Variants in NOS1 observed in about 807,000 individuals in gnomAD.
NOS1 encodes the protein NOS type I.
A neutral mutation model predicts 164.5 loss-of-function variants in NOS1; 51 were observed. The observed-to-expected ratio is 0.31, with a 90% CI of 0.25 to 0.39. The LOEUF is 0.39. NOS1 is among the 10% of genes least tolerant of loss of function. The pLI is 1.00. For missense variants in NOS1, 1,362 were observed against 1,885.6 expected (o/e 0.72, Z 5.14); for synonymous variants, 719 against 745.8 (o/e 0.96, Z 0.59).
chr12:117,213,502 G>A lies in NOS1; in HGVS notation c.*1807C>T. On this transcript the variant is annotated 3_prime_UTR_variant, in exon 29 of 29. Transcript: ENST00000317775. ...TGGCAGGAACAGGACACCGGTGGGG[G>A]CTGCCAGGGATGGCAGAGCAAGGTG... 1.0e-6 allele frequency: 1 copy of A among 985,360 alleles called. No homozygotes were observed. The highest frequency in any genetic ancestry group is 1.2e-6 in the Non-Finnish European group (1 of 829,910). The allele number at this position is 985,360 out of a possible 1,614,324, so 61.0% of individuals were successfully genotyped here.
chr12:117,211,269 T>C lies in NOS1; in HGVS notation c.*4040A>G. 2.0e-6 allele frequency: 2 copies of C among 985,416 alleles called. No individual in the cohort carries two copies. The highest frequency in any genetic ancestry group is 2.4e-6 in the Non-Finnish European group (2 of 829,992). 61.0% of individuals were successfully genotyped at this position (985,416 alleles called of 1,614,324 possible). A position where few individuals can be genotyped will look rare whatever the true frequency, so the allele number is the denominator to read the frequency against. On this transcript the variant is annotated 3_prime_UTR_variant, in exon 29 of 29. Transcript: ENST00000317775. ...TACCGCGCCCAGCCTGCAAGATGCT[T>C]TAATTTCTCCTTTATTCTCACCCTC...
At chr12:117,354,921 G>A (rs868723699) in intron 1 of NOS1, among the ~76,000 whole-genome samples, 1 of 152,126 alleles carries the variant, frequency 6.6e-6, no homozygotes, top group South Asian at 2.1e-4. Context: ...GGTTGTACAC[G>A]GATACTATCT....
At chr12:117,269,717 C>T (rs528872627) in intron 10 of NOS1, among the ~76,000 whole-genome samples, 15 of 152,128 alleles carry the variant, frequency 9.9e-5, no homozygotes, top group Admixed American at 7.8e-4. Flanking sequence ...CCACCCACCT[C>T]GGCCTCCCAA....
intron 23 of NOS1, among the ~76,000 whole-genome samples, chr12:117,227,045 C>T (rs944123754): frequency 5.3e-5 from 8 of 152,188 alleles, no homozygotes; most frequent in South Asian, 2.1e-4. Flanking sequence ...GCTCCTGGGA[C>T]GGGCACTGTG....
At chr12:117,327,276 G>T (rs1019291733) in intron 2 of NOS1, among the ~76,000 whole-genome samples, 16 of 152,184 alleles carry the variant, frequency 1.1e-4, no homozygotes, top group African/African-American at 2.9e-4. Context: ...TGAGGGACAG[G>T]GAGGGTGGTA....
rs183999803 is a variant in NOS1 at position 117,333,411 on chromosome 12, C to T, written c.-420-1922G>A. On this transcript the variant is annotated intron_variant, in intron 1 of 28. Transcript: ENST00000317775. Reference sequence around the variant, plus strand: ...ACTCACTTCCTCATTTCCCTTTTAGCGACTTCCCAGGGTCACCCCAGGGCT... The same window carrying T: ...ACTCACTTCCTCATTTCCCTTTTAGTGACTTCCCAGGGTCACCCCAGGGCT... Among the ~76,000 whole-genome samples, 912 of 152,260 alleles carry T rather than the reference C, an allele frequency of 6.0e-3. 6 individuals are homozygous for T. The highest frequency in any genetic ancestry group is 7.8e-3 in the Admixed American group (119 of 15,290).
chr12:117,227,829 C>T (rs1868838529), intron 22 of NOS1, among the ~76,000 whole-genome samples, 188 bp from the exon 23 acceptor site: 1 of 152,038 alleles, frequency 6.6e-6, no homozygotes, highest in African/African-American at 2.4e-5. Context: ...GAGTTCAAGG[C>T]CAGCCTGGGA....
chr12:117,223,121 C>T (rs1403568333), intron 25 of NOS1, among the ~76,000 whole-genome samples: 1 of 152,142 alleles, frequency 6.6e-6, no homozygotes, highest in Non-Finnish European at 1.5e-5. Flanking sequence ...TAGTGGATCT[C>T]CCTCCCAGGT....
chr12:117,316,914 T>C (rs947716315), intron 2 of NOS1, among the ~76,000 whole-genome samples: 1 of 152,188 alleles, frequency 6.6e-6, no homozygotes, highest in Non-Finnish European at 1.5e-5. Context: ...AGAGTCTCAC[T>C]CTGTCACCCA....
intron 1 of NOS1, among the ~76,000 whole-genome samples, chr12:117,343,167 C>CAA (rs762397215): frequency 4.6e-5 from 6 of 129,424 alleles, no homozygotes; most frequent in African/African-American, 1.4e-4. Context: ...CCATCTCTAC[C>CAA]AAAAAAAAAA....
intron 16 of NOS1, chr12:117,256,012 GA>G: frequency 6.9e-7 from 1 of 1,456,584 alleles, no homozygotes; most frequent in Non-Finnish European, 9.0e-7. Flanking sequence ...CCTTTACGGG[GA>G]AAGAAACGCA....
At chr12:117,217,718 A>G (rs1296622136) in intron 28 of NOS1, among the ~76,000 whole-genome samples, 1 of 151,208 alleles carries the variant, frequency 6.6e-6, no homozygotes, top group African/African-American at 2.4e-5. Flanking sequence ...AAAAAAAGCA[A>G]CTTCCCAGAG....
intron 1 of NOS1, among the ~76,000 whole-genome samples, chr12:117,339,944 G>T (rs1206824210): frequency 2.0e-5 from 3 of 152,222 alleles, no homozygotes; most frequent in Non-Finnish European, 4.4e-5. Flanking sequence ...TGGAAGGCTA[G>T]AAATTGGGTG....
At chr12:117,302,385 G>A (rs1454421796) in intron 3 of NOS1, among the ~76,000 whole-genome samples, 1 of 152,024 alleles carries the variant, frequency 6.6e-6, no homozygotes, top group Non-Finnish European at 1.5e-5. Context: ...ATGAGGTCAG[G>A]AGATCGAGAC....
chr12:117,267,917 T>C, intron 11 of NOS1, 126 bp downstream of exon 11: 2 of 653,826 alleles, frequency 3.1e-6, no homozygotes, highest in Non-Finnish European at 5.4e-6. Flanking sequence ...TAGACCATAC[T>C]CATGGACACA....
At position 117,260,541 on chromosome 12, in the gene NOS1, T is replaced by C; in HGVS notation, c.2291A>G (p.Tyr764Cys). ...TTGCGATTTGCCTGTCTCTGTGGCA[T>C]AGAGGATGGTCGCTTTCACCCTCTT... ...MAKRVKATIL[Y>C]ATETGKSQAY... is the part of the protein sequence containing the mutation. The change falls in exon 14 of 29, where the codon TAT (tyrosine) becomes TGT (cysteine). Residue 764 changes from tyrosine (Y) to cysteine (C), a missense_variant. Tyr to Cys is a radical substitution (Grantham distance 194). Transcript: ENST00000317775. The C allele has an allele frequency of 6.2e-7, 1 of 1,614,146 alleles. No homozygotes were observed. The highest frequency in any genetic ancestry group is 1.1e-5 in the South Asian group (1 of 91,066).
chr12:117,354,398 T>G (rs1876769496), intron 1 of NOS1, among the ~76,000 whole-genome samples: 1 of 149,578 alleles, frequency 6.7e-6, no homozygotes, highest in African/African-American at 2.6e-5. Context: ...TATTGCCAGC[T>G]AAGACTTATA....
chr12:117,330,847 G>T lies in NOS1; in HGVS notation c.223C>A (p.Leu75Met), dbSNP rs1034845779. The T allele has an allele frequency of 1.2e-6, 2 of 1,613,974 alleles. No individual in the cohort carries two copies. Among genetic ancestry groups the T allele is most frequent in the Non-Finnish European group, 1.7e-6 (2 of 1,180,008 alleles). ...LAVNGRPLVD[L>M]SYDSALEVLR... Reference sequence around the variant, plus strand: ...ACCTCCAGGGCGCTGTCATAGCTCAGGTCCACCAAGGGCCGGCCGTTGACC... The same window carrying T: ...ACCTCCAGGGCGCTGTCATAGCTCATGTCCACCAAGGGCCGGCCGTTGACC... Residue 75 changes from leucine (L) to methionine (M), a missense_variant, in exon 2 of 29, where the codon CTG (leucine) becomes ATG (methionine). Leu to Met is a conservative substitution (Grantham distance 15, BLOSUM62 2). Coordinates refer to ENST00000317775, the MANE Select transcript of NOS1 (RefSeq NM_000620.5). The surrounding 1 kb of genome is among the most constrained non-coding windows in gnomAD (Gnocchi z 4.6).
Position 117,330,859 on chromosome 12 carries a change from G to T in NOS1, c.211C>A (p.Pro71Thr). The change falls in exon 2 of 29, where the codon CCC becomes ACC. Residue 71 changes from proline to threonine, a missense_variant. Around this residue, in one of 4 missense-constraint regions of NOS1, gnomAD observed 362 missense variants for 402.0 expected, o/e 0.90. Transcript: ENST00000317775. The surrounding 1 kb of genome is among the most constrained non-coding windows in gnomAD (Gnocchi z 4.6). Reference sequence around the variant, plus strand: ...CTGTCATAGCTCAGGTCCACCAAGGGCCGGCCGTTGACCGCAAGAATGATG... The same window carrying T: ...CTGTCATAGCTCAGGTCCACCAAGGTCCGGCCGTTGACCGCAAGAATGATG... ...GDIILAVNGR[P>T]LVDLSYDSAL... 1 of 1,614,130 alleles carries T rather than the reference G, an allele frequency of 6.2e-7. No individual in the cohort carries two copies. The highest frequency in any genetic ancestry group is 8.5e-7 in the Non-Finnish European group (1 of 1,180,010).
Sources: gnomAD v4.1 joint callset for allele counts (sites outside exome capture counted in the v4.1 genomes callset) on GRCh38, gnomAD v4.1.1 for gene constraint, gnomAD v4.1.1 regional missense constraint, Gnocchi (gnomAD v3.1) non-coding constraint, MANE v1.5 for transcripts, NCBI Gene and HGNC (gene_info 2026-07-23, HGNC 2026-07-21) for gene names.